Variants in CABLES1 observed in about 807,000 individuals in gnomAD.
CABLES1 encodes Cdk5 and Abl enzyme substrate 1, also known as CDK5 and ABL1 enzyme substrate 1.
CABLES1 carries 36 observed loss-of-function variants against 57.8 expected under a neutral mutation model. That is an observed-to-expected ratio of 0.62 (90% CI 0.48 to 0.82). The LOEUF is 0.82. Among genes scored for constraint, CABLES1 ranks in the 40% least tolerant of loss-of-function variants. CABLES1 has a pLI of 0.00. For missense variants in CABLES1, 767 were observed against 836.6 expected (o/e 0.92, Z 1.03); for synonymous variants, 374 against 363.0 (o/e 1.03, Z -0.35).
chr18:23,256,414 A>C (rs1345726722), intron 9 of CABLES1, among the ~76,000 whole-genome samples: 1 of 152,240 alleles, frequency 6.6e-6, no homozygotes, highest in Non-Finnish European at 1.5e-5. Context: ...ACTGAACTAC[A>C]TAGAATCAGT....
chr18:23,243,285 A>G (rs1434888428), intron 7 of CABLES1, among the ~76,000 whole-genome samples: 3 of 151,892 alleles, frequency 2.0e-5, no homozygotes, highest in East Asian at 1.9e-4. Flanking sequence ...GAAGCACAGT[A>G]GCTCCGCACT....
At chr18:23,200,329 G>A (rs780491970) in intron 3 of CABLES1, among the ~76,000 whole-genome samples, 18 of 151,138 alleles carry the variant, frequency 1.2e-4, no homozygotes, top group East Asian at 3.9e-4. Flanking sequence ...GTGTGATCTC[G>A]GCTCACTGCA....
At chr18:23,189,574 G>A (rs2047226561) in intron 2 of CABLES1, among the ~76,000 whole-genome samples, 1 of 152,200 alleles carries the variant, frequency 6.6e-6, no homozygotes, top group South Asian at 2.1e-4. Context: ...GCTGGGTGGG[G>A]CAGCATGTGG....
At chr18:23,229,724 T>C (rs1276743322) in intron 4 of CABLES1, among the ~76,000 whole-genome samples, 1 of 152,234 alleles carries the variant, frequency 6.6e-6, no homozygotes, top group Non-Finnish European at 1.5e-5. Context: ...TAAAAGATTC[T>C]TTTGGAGCGA....
intron 4 of CABLES1, among the ~76,000 whole-genome samples, chr18:23,220,356 A>G (rs892422180): frequency 6.6e-6 from 1 of 152,174 alleles, no homozygotes; most frequent in African/African-American, 2.4e-5. Context: ...CACTCGTTTC[A>G]TCTGCCCAAC....
intron 4 of CABLES1, among the ~76,000 whole-genome samples, chr18:23,215,346 A>T (rs777128488): frequency 6.6e-6 from 1 of 152,182 alleles, no homozygotes; most frequent in African/African-American, 2.4e-5. Context: ...AAATTAGCTC[A>T]TACCAGCTCA....
intron 4 of CABLES1, among the ~76,000 whole-genome samples, chr18:23,228,385 T>C (rs2047543234): frequency 6.6e-6 from 1 of 152,212 alleles, no homozygotes; most frequent in Non-Finnish European, 1.5e-5. Context: ...ATAGCTAGAT[T>C]AGCCACCTGC....
chr18:23,170,199 T>C (rs973500181), intron 1 of CABLES1, among the ~76,000 whole-genome samples: 7 of 152,242 alleles, frequency 4.6e-5, no homozygotes, highest in African/African-American at 1.4e-4. Flanking sequence ...ATAGTACTCA[T>C]GTACAAGGGT....
At chr18:23,188,543 TTGTGTGTGTG>T (rs55888102) in intron 1 of CABLES1, among the ~76,000 whole-genome samples, 1 of 148,960 alleles carries the variant, frequency 6.7e-6, no homozygotes, top group Non-Finnish European at 1.5e-5. Flanking sequence ...CACCTTGTCT[TTGTGTGTGTG>T]TGTGTGTGTG....
chr18:23,180,645 G>A (rs1347730885), intron 1 of CABLES1, among the ~76,000 whole-genome samples: 1 of 152,182 alleles, frequency 6.6e-6, no homozygotes, highest in Non-Finnish European at 1.5e-5. Flanking sequence ...GAGTAGCTGA[G>A]ACTGCCGGTG....
chr18:23,253,022 G>A lies in CABLES1; in HGVS notation c.1509G>A (p.Lys503=). 6.2e-7 allele frequency: 1 copy of A among 1,613,878 alleles called. No homozygotes were observed. The highest frequency in any genetic ancestry group is 8.5e-7 in the Non-Finnish European group (1 of 1,179,826). ...DLKKDMNETF[K]EKFPHIKLTL... is the part of the protein sequence containing the mutation. ...AGAAGGACATGAACGAGACCTTCAA[G>A]GAGAAGTTTCCTCACATTAAGCTGA... The change falls in exon 8 of 10, where the codon AAG becomes AAA. Residue 503 remains lysine (K), a synonymous_variant. Coordinates refer to ENST00000256925, the MANE Select transcript of CABLES1 (RefSeq NM_001100619.3).
At chr18:23,160,680 T>C (rs2046997609) in intron 1 of CABLES1, among the ~76,000 whole-genome samples, 1 of 152,130 alleles carries the variant, frequency 6.6e-6, no homozygotes, top group African/African-American at 2.4e-5. Context: ...CTCCCCTGTG[T>C]GGGAGGGGTT....
At chr18:23,156,148 AG>A (rs201110790) in intron 1 of CABLES1, among the ~76,000 whole-genome samples, 4 of 152,032 alleles carry the variant, frequency 2.6e-5, no homozygotes, top group African/African-American at 4.8e-5. Context: ...TCTGGAACAG[AG>A]GGGGGGCTCC....
intron 1 of CABLES1, among the ~76,000 whole-genome samples, chr18:23,150,170 C>T (rs1018036458): frequency 1.5e-4 from 23 of 150,852 alleles, no homozygotes; most frequent in Admixed American, 1.4e-3. Flanking sequence ...AGCATTTCCT[C>T]TCCACCTCTA....
chr18:23,154,142 AC>A (rs567331638), intron 1 of CABLES1, among the ~76,000 whole-genome samples: 25 of 152,294 alleles, frequency 1.6e-4, no homozygotes, highest in African/African-American at 5.8e-4. Context: ...GCTTTTTCAA[AC>A]AATTTCTAGT....
chr18:23,202,297 T>A (rs2047331259), intron 3 of CABLES1, among the ~76,000 whole-genome samples: 1 of 152,212 alleles, frequency 6.6e-6, no homozygotes, highest in Non-Finnish European at 1.5e-5. Flanking sequence ...AAAGAGTTCA[T>A]TTGGATATGA....
intron 1 of CABLES1, among the ~76,000 whole-genome samples, chr18:23,138,273 G>A (rs968484084): frequency 6.6e-6 from 1 of 152,086 alleles, no homozygotes; most frequent in African/African-American, 2.4e-5. Context: ...TTGTGTGTTC[G>A]CATTTCTGAA....
chr18:23,156,466 T>C (rs1412406877), intron 1 of CABLES1, among the ~76,000 whole-genome samples: 1 of 152,232 alleles, frequency 6.6e-6, no homozygotes, highest in Non-Finnish European at 1.5e-5. Context: ...TGTCCTCCTA[T>C]AGTAGCTGCC....
chr18:23,170,165 T>C (rs1470340010), intron 1 of CABLES1, among the ~76,000 whole-genome samples: 3 of 152,148 alleles, frequency 2.0e-5, no homozygotes, highest in African/African-American at 7.2e-5. Flanking sequence ...AACCTCAGTT[T>C]CTCCATCTGC....
Sources: gnomAD v4.1 joint callset for allele counts (sites outside exome capture counted in the v4.1 genomes callset) on GRCh38, gnomAD v4.1.1 for gene constraint, MANE v1.5 for transcripts, NCBI Gene and HGNC (gene_info 2026-07-23, HGNC 2026-07-21) for gene names.